BRINP3: variants seen among roughly 807,000 people sequenced by gnomAD.
BRINP3 encodes BMP/retinoic acid-inducible neural-specific protein 3.
BRINP3 carries 19 observed loss-of-function variants against 71.0 expected under a neutral mutation model. The ratio of observed to expected loss-of-function variants is 0.27; its 90% CI spans 0.19 to 0.39. The LOEUF is 0.39. Among genes scored for constraint, BRINP3 ranks in the 10% least tolerant of loss-of-function variants. The pLI is 1.00. For missense variants in BRINP3, 959 were observed against 940.8 expected, an observed-to-expected ratio of 1.02 and a Z score of -0.25; for synonymous variants, 380 against 337.7, an observed-to-expected ratio of 1.13 and a Z score of -1.37.
At chr1:190,426,599 T>G (rs1017275302) in intron 2 of BRINP3, among the ~76,000 whole-genome samples, 3 of 151,854 alleles carry the variant, frequency 2.0e-5, no homozygotes, top group Non-Finnish European at 2.9e-5. Context: ...TCAATTAGGA[T>G]GCTCAGTCTG....
chr1:190,475,536 C>G (rs539404439), intron 1 of BRINP3, among the ~76,000 whole-genome samples: 2 of 152,148 alleles, frequency 1.3e-5, no homozygotes, highest in Non-Finnish European at 2.9e-5. Context: ...CTTTCCTACA[C>G]GCATGGGTTA....
chr1:190,447,363 ATATT>A (rs1339710212), intron 2 of BRINP3, among the ~76,000 whole-genome samples: 1 of 147,368 alleles, frequency 6.8e-6, no homozygotes, highest in Non-Finnish European at 1.5e-5. Context: ...ATATATATAT[ATATT>A]TGTGAATAGC....
chr1:190,247,941 C>G (rs560326094), intron 4 of BRINP3, among the ~76,000 whole-genome samples: 7 of 151,840 alleles, frequency 4.6e-5, no homozygotes, highest in Non-Finnish European at 8.8e-5. Context: ...ACTCTATCTT[C>G]GACAAAGTTT....
At chr1:190,363,234 A>G (rs1405798315) in intron 2 of BRINP3, among the ~76,000 whole-genome samples, 1 of 152,156 alleles carries the variant, frequency 6.6e-6, no homozygotes, top group Non-Finnish European at 1.5e-5. Context: ...ACTGCAAGAA[A>G]TTAAGTACTG....
intron 2 of BRINP3, among the ~76,000 whole-genome samples, chr1:190,330,316 C>T (rs1159288597): frequency 5.9e-5 from 9 of 151,904 alleles, no homozygotes; most frequent in Non-Finnish European, 1.3e-4. Context: ...TAAAAATGGG[C>T]AAAATACATG....
chr1:190,222,097 C>T (rs1397792926), intron 6 of BRINP3, among the ~76,000 whole-genome samples: 2 of 151,856 alleles, frequency 1.3e-5, no homozygotes, highest in Non-Finnish European at 2.9e-5. Flanking sequence ...AACATTTCAC[C>T]CAACTGCTGC....
chr1:190,281,973 C>A (rs978027006), intron 2 of BRINP3, among the ~76,000 whole-genome samples: 1 of 149,394 alleles, frequency 6.7e-6, no homozygotes, highest in South Asian at 2.2e-4. Flanking sequence ...AAGTGTACAG[C>A]TTCCACTGAG....
chr1:190,179,963 C>G (rs938432285), intron 6 of BRINP3, among the ~76,000 whole-genome samples: 1 of 152,094 alleles, frequency 6.6e-6, no homozygotes, highest in Non-Finnish European at 1.5e-5. Context: ...GTTTGTACTA[C>G]TCATTTTACT....
intron 2 of BRINP3, among the ~76,000 whole-genome samples, chr1:190,312,780 G>T (rs1665625187): frequency 6.6e-6 from 1 of 151,726 alleles, no homozygotes; most frequent in Non-Finnish European, 1.5e-5. Context: ...AAGGATATGG[G>T]TGATATTTTT....
chr1:190,181,170 T>C (rs991213343), intron 6 of BRINP3, among the ~76,000 whole-genome samples: 1 of 152,112 alleles, frequency 6.6e-6, no homozygotes. Context: ...TGGTTTTCTC[T>C]AATTGGCTTT....
intron 2 of BRINP3, among the ~76,000 whole-genome samples, chr1:190,299,234 C>T (rs964325207): frequency 1.3e-5 from 2 of 151,846 alleles, no homozygotes; most frequent in Non-Finnish European, 2.9e-5. Context: ...TACATAGGAG[C>T]TAAGTTTTCT....
At position 190,454,688 on chromosome 1, in the gene BRINP3, C is replaced by T. The variant is rs200159768; in HGVS notation, c.203G>A (p.Arg68Gln). ...QEYTDFVDRS[R>Q]QGFSTRYKIY... ...CTTGTATCTTGTGCTAAATCCCTGCCGGCTTCTGTCCACAAAATCTGTGTA... is the reference window on the plus strand; with the variant it reads ...CTTGTATCTTGTGCTAAATCCCTGCTGGCTTCTGTCCACAAAATCTGTGTA... The change falls in exon 2 of 8, where the codon CGG becomes CAG. Residue 68 changes from arginine to glutamine, a missense_variant. By Grantham distance (43) the Arg-to-Gln change is conservative. Coordinates refer to ENST00000367462, the MANE Select transcript of BRINP3 (RefSeq NM_199051.3). The T allele has an allele frequency of 1.5e-5, 25 of 1,614,032 alleles. No homozygotes were observed. Among genetic ancestry groups the T allele is most frequent in the South Asian group, 2.2e-5 (2 of 91,062 alleles).
intron 4 of BRINP3, among the ~76,000 whole-genome samples, chr1:190,262,400 T>C (rs185910990): frequency 6.6e-6 from 1 of 152,318 alleles, no homozygotes; most frequent in East Asian, 1.9e-4. Context: ...GCACTCCCTA[T>C]GAATTTCCAT....
intron 2 of BRINP3, among the ~76,000 whole-genome samples, chr1:190,335,795 G>T (rs1667249736): frequency 6.6e-6 from 1 of 151,894 alleles, no homozygotes; most frequent in African/African-American, 2.4e-5. Flanking sequence ...CTGTAAACTT[G>T]TCTAGTTTCA....
rs992289069 is a variant in BRINP3 at position 190,112,779 on chromosome 1, G to A, written c.1185-13645C>T. ...AGCATTTCCCTAGTCCTCTAAATTG[G>A]AAGAAAATTGACACATATATCAATG... is the stretch of plus-strand genomic sequence containing the variant. On this transcript the variant is annotated intron_variant, in intron 7 of 7. Coordinates refer to ENST00000367462, the MANE Select transcript of BRINP3 (RefSeq NM_199051.3). 7.2e-5 allele frequency among the ~76,000 whole-genome samples: 11 copies of A among 152,010 alleles called. No individual in the cohort carries two copies. The East Asian group carries it at 9.6e-4, about 13-fold the overall frequency.
At position 190,134,033 on chromosome 1, in the gene BRINP3, G is replaced by T. The variant is rs192773653; in HGVS notation, c.1184+26635C>A. 3.2e-4 allele frequency among the ~76,000 whole-genome samples: 49 copies of T among 152,188 alleles called. No individual in the cohort carries two copies. The East Asian group carries it at 6.6e-3, about 20-fold the overall frequency. On this transcript the variant is annotated intron_variant, in intron 7 of 7. Coordinates refer to ENST00000367462, the MANE Select transcript of BRINP3 (RefSeq NM_199051.3). ...GGATTTAAAATACAACAGCGAAAAA[G>T]AGAAATAGTCCCACTGGGGCTTTCA...
intron 3 of BRINP3, among the ~76,000 whole-genome samples, chr1:190,267,920 ACTT>A (rs1190325683): frequency 3.3e-4 from 50 of 152,132 alleles, no homozygotes; most frequent in African/African-American, 1.2e-3. Flanking sequence ...AAAATGTAAA[ACTT>A]CTAAATCTAT....
At chr1:190,421,685 AT>A (rs1372949151) in intron 2 of BRINP3, among the ~76,000 whole-genome samples, 3 of 151,860 alleles carry the variant, frequency 2.0e-5, no homozygotes, top group East Asian at 3.9e-4. Context: ...ATAGATTTGA[AT>A]CCAGGCACCA....
chr1:190,232,973 T>A (rs1219418817), intron 5 of BRINP3, among the ~76,000 whole-genome samples: 1 of 152,148 alleles, frequency 6.6e-6, no homozygotes, highest in African/African-American at 2.4e-5. Context: ...CTATAATTGA[T>A]ATTGATAAAT....
Sources: gnomAD v4.1 joint callset for allele counts (sites outside exome capture counted in the v4.1 genomes callset) on GRCh38, gnomAD v4.1.1 for gene constraint, MANE v1.5 for transcripts, NCBI Gene and HGNC (gene_info 2026-07-23, HGNC 2026-07-21) for gene names.